NTM: variants seen among roughly 807,000 people sequenced by gnomAD.
The protein encoded by NTM is IgLON family member 2.
In NTM, 13 loss-of-function variants were observed where a neutral mutation model predicts 42.1. That is an observed-to-expected ratio of 0.31 (90% CI 0.20 to 0.49). NTM has a LOEUF of 0.49. Among genes scored for constraint, NTM ranks in the 20% least tolerant of loss-of-function variants. The pLI, the probability that NTM is intolerant of heterozygous loss-of-function variation, is 0.99. For missense variants in NTM, 373 were observed against 452.8 expected (o/e 0.82, Z 1.60); for synonymous variants, 187 against 179.2 (o/e 1.04, Z -0.35).
intron 1 of NTM, among the ~76,000 whole-genome samples, chr11:131,729,126 T>C (rs1257975076): frequency 6.6e-6 from 1 of 152,242 alleles, no homozygotes; most frequent in Non-Finnish European, 1.5e-5. Context: ...GGGCAACTTA[T>C]ATAACTTCTC....
chr11:131,772,286 T>A (rs952466567), intron 1 of NTM, among the ~76,000 whole-genome samples: 2 of 152,190 alleles, frequency 1.3e-5, no homozygotes, highest in Non-Finnish European at 1.5e-5. Context: ...TCCATCCGCC[T>A]ACCCCTGTAT....
chr11:132,003,318 T>C lies in NTM; in HGVS notation c.167+91670T>C, dbSNP rs2069827761. 6.6e-6 allele frequency among the ~76,000 whole-genome samples: 1 copy of C among 151,786 alleles called. No individual in the cohort carries two copies. Among genetic ancestry groups the C allele is most frequent in the African/African-American group, 2.4e-5 (1 of 41,316 alleles). On this transcript the variant is annotated intron_variant, in intron 2 of 8. Coordinates refer to ENST00000683400, the MANE Select transcript of NTM (RefSeq NM_001352005.2). The surrounding 1 kb of genome is among the most constrained non-coding windows in gnomAD (Gnocchi z 6.0). ...TGGAGTGCAGTGACGCAATCACAGC[T>C]TACTGCAGCCTCAACCTCCTGGGCT...
At chr11:131,591,956 C>T (rs571670752) in intron 1 of NTM, among the ~76,000 whole-genome samples, 18 of 152,280 alleles carry the variant, frequency 1.2e-4, no homozygotes, top group African/African-American at 4.1e-4. Context: ...GAAGCCCATC[C>T]CACAGCCTCA....
chr11:131,637,732 T>A lies in NTM; in HGVS notation c.82+266844T>A, dbSNP rs1444138732. Among the ~76,000 whole-genome samples the A allele has an allele frequency of 3.9e-5, 6 of 151,912 alleles. No individual in the cohort carries two copies. The East Asian group carries it at 1.2e-3, about 30-fold the overall frequency. On this transcript the variant is annotated intron_variant, in intron 1 of 8. Transcript: ENST00000683400. ...AGCCAAAAGAACAAAACCACACCAA[T>A]CTTAAGTAGATATTTTGCATGAAAT...
chr11:132,014,822 C>A, intron 2 of NTM, among the ~76,000 whole-genome samples: 1 of 136,152 alleles, frequency 7.3e-6, no homozygotes, highest in Middle Eastern at 4.3e-3. Flanking sequence ...TTTGCAAATA[C>A]TTTCTCCCAT....
chr11:132,099,133 C>T (rs1244333730), intron 2 of NTM, among the ~76,000 whole-genome samples: 1 of 102,784 alleles, frequency 9.7e-6, no homozygotes, highest in Non-Finnish European at 2.2e-5. Flanking sequence ...GAAATTGTAG[C>T]AACACCTGTA....
intron 1 of NTM, among the ~76,000 whole-genome samples, chr11:131,475,873 A>T (rs1952879355): frequency 6.6e-6 from 1 of 152,196 alleles, no homozygotes; most frequent in Non-Finnish European, 1.5e-5. Flanking sequence ...GATTGGGAAG[A>T]GAAAAAAAGA....
At chr11:131,925,639 C>T (rs2057845708) in intron 2 of NTM, among the ~76,000 whole-genome samples, 1 of 152,084 alleles carries the variant, frequency 6.6e-6, no homozygotes, top group African/African-American at 2.4e-5. Context: ...CCTGCCTTGG[C>T]CTGCCAAAGT....
intron 1 of NTM, among the ~76,000 whole-genome samples, chr11:131,882,209 T>C (rs2049645676): frequency 6.6e-6 from 1 of 152,220 alleles, no homozygotes; most frequent in Non-Finnish European, 1.5e-5. Flanking sequence ...TCTATCTATC[T>C]ATGTGAAAGA....
chr11:131,877,135 A>G (rs1248310198), intron 1 of NTM, among the ~76,000 whole-genome samples: 1 of 152,220 alleles, frequency 6.6e-6, no homozygotes, highest in Non-Finnish European at 1.5e-5. Context: ...CTGGGATTGC[A>G]GGCGTGAGGC....
intron 3 of NTM, among the ~76,000 whole-genome samples, chr11:132,206,845 C>T (rs2082060259): frequency 6.6e-6 from 1 of 152,220 alleles, no homozygotes; most frequent in African/African-American, 2.4e-5. Context: ...CTGTTATCCT[C>T]CCTCCTAGTA....
At chr11:131,908,793 T>C (rs922232652) in intron 1 of NTM, among the ~76,000 whole-genome samples, 1 of 152,366 alleles carries the variant, frequency 6.6e-6, no homozygotes, top group East Asian at 1.9e-4. Flanking sequence ...CAATTGCCCG[T>C]TGGAAAATGG....
rs114338406 is a variant in NTM, at chr11:131,671,356, A to C, written c.83-240208A>C. 1.8e-3 allele frequency: 1,651 copies of C among 900,420 alleles called. 21 individuals carry two copies. The African/African-American group carries it at 0.025, about 14-fold the overall frequency. 55.8% of individuals were successfully genotyped at this position (900,420 alleles called of 1,614,324 possible). ...GCCCAACCCCATCACTGCACACTTTATTTATGGAAGGCCAGGGACACCTGT... is the reference window on the plus strand; with the variant it reads ...GCCCAACCCCATCACTGCACACTTTCTTTATGGAAGGCCAGGGACACCTGT... On this transcript the variant is annotated intron_variant, in intron 1 of 8. Coordinates refer to ENST00000683400, the MANE Select transcript of NTM (RefSeq NM_001352005.2).
At chr11:131,729,916 G>GT (rs111526208) in intron 1 of NTM, among the ~76,000 whole-genome samples, 32 of 151,536 alleles carry the variant, frequency 2.1e-4, no homozygotes, top group Admixed American at 3.9e-4. Flanking sequence ...TACATACAGA[G>GT]TTTTTTTTTG....
At chr11:131,456,409 A>G (rs11222629) in intron 1 of NTM, among the ~76,000 whole-genome samples, 38,295 of 152,034 alleles carry the variant, frequency 0.25, 4,852 homozygotes, top group East Asian at 0.38. Context: ...TATAATCAAC[A>G]TTCACACCTT....
intron 3 of NTM, among the ~76,000 whole-genome samples, chr11:132,171,967 C>T (rs931701264): frequency 2.0e-5 from 3 of 152,216 alleles, no homozygotes; most frequent in African/African-American, 7.2e-5. Context: ...CTAATCCCCA[C>T]TAACTTCATT....
intron 1 of NTM, among the ~76,000 whole-genome samples, chr11:131,692,782 T>G (rs889692857): frequency 1.3e-5 from 2 of 152,028 alleles, no homozygotes; most frequent in African/African-American, 4.8e-5. Flanking sequence ...TCCTTCAGGG[T>G]TATAGACCCT....
intron 1 of NTM, among the ~76,000 whole-genome samples, chr11:131,399,208 C>T (rs1479761022): frequency 6.6e-6 from 1 of 152,184 alleles, no homozygotes; most frequent in Admixed American, 6.5e-5. Flanking sequence ...CCAGGATGTT[C>T]ATTCCAAGCT....
intron 2 of NTM, among the ~76,000 whole-genome samples, chr11:132,083,881 A>G (rs1039471964): frequency 3.3e-5 from 5 of 152,174 alleles, no homozygotes; most frequent in African/African-American, 1.2e-4. Flanking sequence ...ATGTGCTCCA[A>G]ATTTTTTCAC....
Sources: allele counts gnomAD v4.1 joint callset (sites outside exome capture counted in the v4.1 genomes callset), GRCh38; gene constraint gnomAD v4.1.1; non-coding constraint Gnocchi (gnomAD v3.1); transcripts MANE v1.5; gene names NCBI Gene and HGNC (gene_info 2026-07-23, HGNC 2026-07-21).